GHR: variants seen among roughly 807,000 people sequenced by gnomAD.
GHR encodes growth hormone receptor, also known as GH receptor.
A neutral mutation model predicts 67.1 loss-of-function variants in GHR; 35 were observed. The observed-to-expected ratio is 0.52, with a 90% CI of 0.40 to 0.69. GHR has a LOEUF of 0.69. Among genes scored for constraint, GHR ranks in the 30% least tolerant of loss-of-function variants. The probability of loss-of-function intolerance (pLI) is 0.00; values close to 1 mark genes in which losing one functional copy is unlikely to be tolerated. For synonymous variants in GHR, 272 were observed against 269.1 expected (o/e 1.01, Z -0.10); for missense variants, 792 against 764.6 (o/e 1.04, Z -0.42).
At chr5:42,527,472 T>TAC (rs1378934043) in intron 1 of GHR, among the ~76,000 whole-genome samples, 1 of 152,184 alleles carries the variant, frequency 6.6e-6, no homozygotes, top group Admixed American at 6.5e-5. Context: ...AGAAGGGCAT[T>TAC]ACATAATGGT....
chr5:42,716,185 AAAC>A (rs1758714048), intron 8 of GHR, among the ~76,000 whole-genome samples: 1 of 152,096 alleles, frequency 6.6e-6, no homozygotes, highest in Non-Finnish European at 1.5e-5. Context: ...AAAAAAAACA[AAAC>A]AGCGAAACAG....
At position 42,617,400 on chromosome 5, in the gene GHR, A is replaced by G. The variant is rs965222441; in HGVS notation, c.71-11638A>G. On this transcript the variant is annotated intron_variant, in intron 2 of 9. Coordinates refer to ENST00000230882, the MANE Select transcript of GHR (RefSeq NM_000163.5). ...AAGTTCATTTTACACACACACACAC[A>G]CACACACACACACACACACACACAC... Among the ~76,000 whole-genome samples, 96 of 147,442 alleles carry G rather than the reference A, an allele frequency of 6.5e-4. 1 individual carries two copies. The highest frequency in any genetic ancestry group is 2.1e-3 in the South Asian group (10 of 4,694).
intron 1 of GHR, among the ~76,000 whole-genome samples, chr5:42,523,983 C>G (rs1747589700): frequency 6.6e-6 from 1 of 152,192 alleles, no homozygotes; most frequent in African/African-American, 2.4e-5. Flanking sequence ...CCTCCCAAGG[C>G]ATGTGGAACT....
chr5:42,654,229 T>G (rs966288765), intron 3 of GHR, among the ~76,000 whole-genome samples: 8 of 152,158 alleles, frequency 5.3e-5, no homozygotes, highest in Non-Finnish European at 1.2e-4. Flanking sequence ...TCTCAGAGTC[T>G]TACTTACCCC....
intron 1 of GHR, among the ~76,000 whole-genome samples, chr5:42,560,746 C>G (rs567189059): frequency 2.2e-4 from 34 of 152,274 alleles, no homozygotes; most frequent in African/African-American, 7.9e-4. Flanking sequence ...CCTTCTCCTC[C>G]TGCTAACCAA....
intron 1 of GHR, chr5:42,550,048 T>C: frequency 2.1e-6 from 2 of 944,978 alleles, no homozygotes; most frequent in Non-Finnish European, 2.5e-6. Context: ...CCCGCACTTG[T>C]TATGATTTGT....
At chr5:42,464,878 A>G (rs1744658631) in intron 1 of GHR, among the ~76,000 whole-genome samples, 1 of 152,244 alleles carries the variant, frequency 6.6e-6, no homozygotes, top group South Asian at 2.1e-4. Context: ...GTTAGAAGTA[A>G]CTAGGGCATA....
At chr5:42,605,502 G>T (rs922900747) in intron 2 of GHR, among the ~76,000 whole-genome samples, 18 of 152,202 alleles carry the variant, frequency 1.2e-4, no homozygotes, top group Admixed American at 1.1e-3. Flanking sequence ...TAGTGACCAA[G>T]GTAGAGAAAC....
intron 3 of GHR, among the ~76,000 whole-genome samples, chr5:42,667,450 T>G (rs1430075413): frequency 2.0e-5 from 3 of 152,178 alleles, no homozygotes; most frequent in Non-Finnish European, 2.9e-5. Flanking sequence ...TAATATAACA[T>G]AGAAGCTCAT....
At chr5:42,617,241 TAA>T (rs879356349) in intron 2 of GHR, among the ~76,000 whole-genome samples, 1 of 143,208 alleles carries the variant, frequency 7.0e-6, no homozygotes. Flanking sequence ...CTCATTCCCT[TAA>T]AAAAAAAAAA....
At chr5:42,461,799 G>C (rs1299911836) in intron 1 of GHR, among the ~76,000 whole-genome samples, 2 of 152,194 alleles carry the variant, frequency 1.3e-5, no homozygotes, top group African/African-American at 4.8e-5. Flanking sequence ...ACTGCATGAA[G>C]ATTTAATCCA....
At chr5:42,482,587 G>A (rs746230495) in intron 1 of GHR, among the ~76,000 whole-genome samples, 104 of 152,252 alleles carry the variant, frequency 6.8e-4, no homozygotes, top group African/African-American at 2.3e-3. Context: ...AATGGTGGGC[G>A]CCCCTCCCCC....
Position 42,566,080 on chromosome 5 carries a change from G to A in GHR, c.70+136G>A. ...AGCAGCAAAAAGGAAACTTGACTTA[G>A]CTTTAAAATCAGAAACTAGTAGGAC... On this transcript the variant is annotated intron_variant, in intron 2 of 9. Transcript: ENST00000230882. The A allele has an allele frequency of 3.0e-6, 3 of 1,002,408 alleles. No individual in the cohort carries two copies. The Admixed American group carries it at 5.7e-5, about 19-fold the overall frequency. The allele number at this position is 1,002,408 out of a possible 1,614,324, so 62.1% of individuals were successfully genotyped here.
At chr5:42,694,861 T>G (rs1453002104) in intron 4 of GHR, 56 bp from the exon 5 acceptor site, 1 of 1,338,956 alleles carries the variant, frequency 7.5e-7, no homozygotes, top group African/African-American at 1.4e-5. Flanking sequence ...TTACTTGGAC[T>G]TAAGCTACAA....
intron 3 of GHR, among the ~76,000 whole-genome samples, chr5:42,661,639 A>G (rs534002799): frequency 2.3e-3 from 345 of 152,362 alleles, no homozygotes; most frequent in African/African-American, 7.8e-3. Flanking sequence ...GGTACCAGCC[A>G]CTGCAAAATC....
At chr5:42,663,207 C>A (rs1466752798) in intron 3 of GHR, among the ~76,000 whole-genome samples, 1 of 152,148 alleles carries the variant, frequency 6.6e-6, no homozygotes. Flanking sequence ...CCATTCCAAT[C>A]AATAGAAAAA....
chr5:42,527,846 T>C (rs769004309), intron 1 of GHR, among the ~76,000 whole-genome samples: 36 of 152,134 alleles, frequency 2.4e-4, no homozygotes, highest in African/African-American at 6.5e-4. Context: ...GCTGAAATCA[T>C]ACAATTTCAA....
In GHR at chr5:42,565,920, A is replaced by C. The variant is rs547124461; in HGVS notation, c.46A>C (p.Ser16Arg). 1.9e-6 allele frequency: 3 copies of C among 1,614,126 alleles called. No homozygotes were observed. Among genetic ancestry groups the C allele is most frequent in the Non-Finnish European group, 1.7e-6 (2 of 1,179,948 alleles). The change falls in exon 2 of 10, where the codon AGT becomes CGT. Residue 16 changes from serine (S) to arginine (R), a missense_variant. Physicochemically the swap from Ser to Arg is moderately radical, Grantham distance 110. Transcript: ENST00000230882. ...GTTGACCTTGGCACTGGCAGGATCA[A>C]GTGATGCTTTTTCTGGAAGTGAGGG... ...LLLTLALAGS[S>R]DAFSGSEATA... is the part of the protein sequence containing the mutation.
chr5:42,634,256 G>C (rs1754061288), intron 3 of GHR, among the ~76,000 whole-genome samples: 4 of 151,904 alleles, frequency 2.6e-5, no homozygotes, highest in Admixed American at 2.6e-4. Flanking sequence ...AGCTTACGTG[G>C]TATTTATTGT....
Sources: allele counts gnomAD v4.1 joint callset (sites outside exome capture counted in the v4.1 genomes callset), GRCh38; gene constraint gnomAD v4.1.1; transcripts MANE v1.5; gene names NCBI Gene and HGNC (gene_info 2026-07-23, HGNC 2026-07-21).